GREB1L: variants seen among roughly 807,000 people sequenced by gnomAD.
GREB1L encodes the protein GREB1-like protein.
GREB1L carries 17 observed loss-of-function variants against 200.8 expected under a neutral mutation model. The observed-to-expected ratio is 0.08, with a 90% confidence interval of 0.06 to 0.13. The LOEUF is 0.13. Among genes scored for constraint, GREB1L ranks in the 10% least tolerant of loss-of-function variants. GREB1L has a pLI of 1.00. For synonymous variants in GREB1L, 789 were observed against 893.0 expected, an observed-to-expected ratio of 0.88 and a Z score of 2.08; for missense variants, 1,657 against 2,367.7, an observed-to-expected ratio of 0.70 and a Z score of 6.23.
chr18:21,364,275 G>T (rs775033799), intron 1 of GREB1L, among the ~76,000 whole-genome samples: 7 of 152,062 alleles, frequency 4.6e-5, no homozygotes, highest in African/African-American at 9.7e-5. Flanking sequence ...AACTTAAGGG[G>T]CTCTTTGGTC....
At chr18:21,314,141 T>G (rs2038832993) in intron 1 of GREB1L, among the ~76,000 whole-genome samples, 1 of 152,214 alleles carries the variant, frequency 6.6e-6, no homozygotes, top group Non-Finnish European at 1.5e-5. Flanking sequence ...TCTTCCTGTA[T>G]CTGCTATTAG....
At chr18:21,324,456 TG>T (rs1290339204) in intron 1 of GREB1L, among the ~76,000 whole-genome samples, 2 of 152,228 alleles carry the variant, frequency 1.3e-5, no homozygotes, top group Non-Finnish European at 2.9e-5. Flanking sequence ...TCTAGGTAAC[TG>T]GGAATTTTTG....
chr18:21,400,697 G>A (rs986782622), intron 5 of GREB1L, among the ~76,000 whole-genome samples: 5 of 152,176 alleles, frequency 3.3e-5, no homozygotes, highest in African/African-American at 9.7e-5. Flanking sequence ...TGGGTCAGAC[G>A]GTGGGCCACA....
intron 11 of GREB1L, among the ~76,000 whole-genome samples, chr18:21,445,216 C>G (rs1208655342): frequency 3.3e-5 from 5 of 152,208 alleles, no homozygotes; most frequent in African/African-American, 9.7e-5. Flanking sequence ...GGCTCACGCC[C>G]GTGATCCCAA....
chr18:21,458,079 C>CT (rs1311578144), intron 15 of GREB1L, among the ~76,000 whole-genome samples: 1 of 148,576 alleles, frequency 6.7e-6, no homozygotes, highest in African/African-American at 2.5e-5. Flanking sequence ...AGCGATTCTT[C>CT]TGCCTCAACC....
chr18:21,420,764 T>C (rs916673019), intron 7 of GREB1L, among the ~76,000 whole-genome samples: 1 of 152,178 alleles, frequency 6.6e-6, no homozygotes, highest in African/African-American at 2.4e-5. Flanking sequence ...AGCCATATGG[T>C]CTAGCCATTT....
intron 27 of GREB1L, among the ~76,000 whole-genome samples, chr18:21,513,055 G>A (rs1319884343): frequency 6.6e-6 from 1 of 152,094 alleles, no homozygotes; most frequent in Non-Finnish European, 1.5e-5. Flanking sequence ...AGGGTACTAG[G>A]CGCTATCCTG....
intron 1 of GREB1L, among the ~76,000 whole-genome samples, chr18:21,326,272 A>AG (rs1401916526): frequency 1.3e-5 from 2 of 152,230 alleles, no homozygotes; most frequent in Non-Finnish European, 2.9e-5. Context: ...AAGTTCATAT[A>AG]GAAAAAAATG....
chr18:21,348,461 A>G (rs1463439730), intron 1 of GREB1L, among the ~76,000 whole-genome samples: 1 of 152,054 alleles, frequency 6.6e-6, no homozygotes, highest in East Asian at 1.9e-4. Context: ...TAACATAGTG[A>G]GACCCCATCT....
At chr18:21,450,878 C>T in intron 12 of GREB1L, 145 bp from the exon 13 acceptor site, 3 of 645,756 alleles carry the variant, frequency 4.6e-6, no homozygotes, top group Non-Finnish European at 7.9e-6. Flanking sequence ...TATAATTGTC[C>T]ATACCTTTTG....
At chr18:21,451,272 A>G in intron 13 of GREB1L, 121 bp downstream of exon 13, 1 of 1,117,552 alleles carries the variant, frequency 8.9e-7, no homozygotes, top group Non-Finnish European at 1.3e-6. Flanking sequence ...TTTCATTTGA[A>G]ATGGTTTATC....
At chr18:21,265,576 T>C (rs1190292327) in intron 1 of GREB1L, among the ~76,000 whole-genome samples, 1 of 152,172 alleles carries the variant, frequency 6.6e-6, no homozygotes, top group African/African-American at 2.4e-5. Context: ...TACAGTCTAT[T>C]TGGGGCACAT....
chr18:21,384,282 T>C lies in GREB1L; in HGVS notation c.234T>C (p.Ser78=). 1 of 1,551,170 alleles carries C rather than the reference T, an allele frequency of 6.4e-7. No homozygotes were observed. Among genetic ancestry groups the C allele is most frequent in the Non-Finnish European group, 8.7e-7 (1 of 1,146,444 alleles). The change falls in exon 4 of 33, where the codon TCT becomes TCC. Residue 78 remains serine (S), a synonymous_variant. Coordinates refer to ENST00000424526, the MANE Select transcript of GREB1L (RefSeq NM_001142966.3). The part of the protein sequence containing the change: ...RYTQNGSLDF[S]NNLTVNEMED... ...CTCAAAATGGAAGTCTGGATTTTTC[T>C]AACAATCTAACAGTTAATGAAATGG...
intron 7 of GREB1L, among the ~76,000 whole-genome samples, chr18:21,438,209 A>G (rs1382020017): frequency 6.6e-6 from 1 of 152,030 alleles, no homozygotes; most frequent in Non-Finnish European, 1.5e-5. Context: ...AGAAGTCAAG[A>G]CTGCAGCGAG....
In GREB1L at chr18:21,449,613, T is replaced by C. The variant is rs776688386; in HGVS notation, c.1497T>C (p.Cys499=). ...GAGCCCTGCAGATAGGTGCTCAGTGTGTCCCTGTGTCACCAGGACAACTCC... is the reference window on the plus strand; with the variant it reads ...GAGCCCTGCAGATAGGTGCTCAGTGCGTCCCTGTGTCACCAGGACAACTCC... ...RERALQIGAQ[C]VPVSPGQLPW... The change falls in exon 12 of 33, where the codon TGT becomes TGC. Residue 499 remains cysteine (C), a synonymous_variant. Coordinates refer to ENST00000424526, the MANE Select transcript of GREB1L (RefSeq NM_001142966.3). 79 of 1,551,164 alleles carry C rather than the reference T, an allele frequency of 5.1e-5. No individual in the cohort carries two copies. The highest frequency in any genetic ancestry group is 6.4e-5 in the Non-Finnish European group (73 of 1,146,604).
At chr18:21,438,228 G>A (rs1253597952) in intron 7 of GREB1L, among the ~76,000 whole-genome samples, 1 of 152,084 alleles carries the variant, frequency 6.6e-6, no homozygotes, top group African/African-American at 2.4e-5. Flanking sequence ...AGCTGTGATT[G>A]CACCACCACA....
At chr18:21,266,268 A>G (rs1156474581) in intron 1 of GREB1L, among the ~76,000 whole-genome samples, 1 of 152,194 alleles carries the variant, frequency 6.6e-6, no homozygotes. Flanking sequence ...TAGGAGGAGA[A>G]TGATTAGGAT....
At chr18:21,514,968 G>C (rs750903073) in intron 28 of GREB1L, among the ~76,000 whole-genome samples, 27 of 152,176 alleles carry the variant, frequency 1.8e-4, no homozygotes, top group East Asian at 1.9e-4. Context: ...CACTCCCATT[G>C]CAACACTGTG....
At chr18:21,251,859 C>T (rs1259309511) in intron 1 of GREB1L, among the ~76,000 whole-genome samples, 1 of 149,980 alleles carries the variant, frequency 6.7e-6, no homozygotes, top group Non-Finnish European at 1.5e-5. Context: ...GCAGGAGAAT[C>T]GCTTGAACCG....
Sources: allele counts gnomAD v4.1 joint callset (sites outside exome capture counted in the v4.1 genomes callset), GRCh38; gene constraint gnomAD v4.1.1; transcripts MANE v1.5; gene names NCBI Gene and HGNC (gene_info 2026-07-23, HGNC 2026-07-21).